Variants in LRFN2 observed in about 807,000 individuals in gnomAD.
LRFN2 encodes the protein leucine rich repeat and fibronectin type III domain containing 2.
In LRFN2, 18 loss-of-function variants were observed where a neutral mutation model predicts 37.3. The ratio of observed to expected loss-of-function variants is 0.48; its 90% CI spans 0.33 to 0.72. The LOEUF (loss-of-function observed/expected upper bound fraction) is 0.72, where lower values mean the gene tolerates loss of function less well. LRFN2 is among the 30% of genes least tolerant of loss of function. The pLI, the probability that LRFN2 is intolerant of heterozygous loss-of-function variation, is 0.02. For missense variants in LRFN2, 1,006 were observed against 1,060.7 expected (o/e 0.95, Z 0.72); for synonymous variants, 556 against 466.6 (o/e 1.19, Z -2.47).
intron 1 of LRFN2, among the ~76,000 whole-genome samples, chr6:40,460,705 T>C (rs1338545569): frequency 1.3e-5 from 2 of 152,092 alleles, no homozygotes; most frequent in Admixed American, 1.3e-4. Context: ...ATAAATGAAG[T>C]AGGTGAGCTG....
intron 2 of LRFN2, among the ~76,000 whole-genome samples, chr6:40,428,752 A>T (rs1763412596): frequency 6.6e-6 from 1 of 152,252 alleles, no homozygotes; most frequent in East Asian, 1.9e-4. Context: ...CTAAGCATCA[A>T]ACACATAGTA....
At position 40,392,726 on chromosome 6, in the gene LRFN2, A is replaced by C. The variant is rs3734557; in HGVS notation, c.1587T>G (p.Ile529Met). The C allele has an allele frequency of 2.9e-5, 47 of 1,613,710 alleles. No individual in the cohort carries two copies. Among genetic ancestry groups the C allele is most frequent in the Admixed American group, 1.3e-4 (8 of 59,982 alleles). Residue 529 changes from isoleucine to methionine, a missense_variant, in exon 3 of 3, where the codon ATT becomes ATG. Coordinates refer to ENST00000338305, the MANE Select transcript of LRFN2 (RefSeq NM_020737.3). The surrounding 1 kb of genome is among the most constrained non-coding windows in gnomAD (Gnocchi z 4.7). ...TGACCAGGATCATGGTGCCGCCCAGAATCTGGCTGTGCATGGACTGGCACT... is the reference window on the plus strand; with the variant it reads ...TGACCAGGATCATGGTGCCGCCCAGCATCTGGCTGTGCATGGACTGGCACT... Reference protein sequence around the residue: ...YPQCQSMHSQILGGTMILVIG... With the variant: ...YPQCQSMHSQMLGGTMILVIG...
intron 1 of LRFN2, among the ~76,000 whole-genome samples, chr6:40,457,658 A>G (rs919326785): frequency 1.3e-5 from 2 of 149,134 alleles, no homozygotes; most frequent in Admixed American, 6.8e-5. Flanking sequence ...AAAAAAAAAA[A>G]AGAGAGGGAG....
At chr6:40,527,639 T>C (rs1251412895) in intron 1 of LRFN2, among the ~76,000 whole-genome samples, 2 of 152,212 alleles carry the variant, frequency 1.3e-5, no homozygotes, top group African/African-American at 4.8e-5. Context: ...TACACTTGGC[T>C]AAAGATAGAG....
chr6:40,437,807 C>T (rs965589790), intron 1 of LRFN2, among the ~76,000 whole-genome samples: 5 of 152,160 alleles, frequency 3.3e-5, no homozygotes, highest in African/African-American at 7.2e-5. Context: ...TAAAGAGGAA[C>T]GCCAGGCCTA....
Position 40,391,866 on chromosome 6 carries a change from T to C in LRFN2, c.*77A>G. The stretch of plus-strand genomic sequence containing the variant: ...TGGATGTAAACATCACCATGGAAAC[T>C]CCACAAACACTTGCCAGTGAGATTC... On this transcript the variant is annotated 3_prime_UTR_variant, in exon 3 of 3. Transcript: ENST00000338305. The C allele has an allele frequency of 1.4e-6, 2 of 1,416,642 alleles. No homozygotes were observed. Among genetic ancestry groups the C allele is most frequent in the Non-Finnish European group, 1.9e-6 (2 of 1,063,694 alleles). The allele number at this position is 1,416,642 out of a possible 1,614,324, so 87.8% of individuals were successfully genotyped here. A position where few individuals can be genotyped will look rare whatever the true frequency, so the allele number is the denominator to read the frequency against.
At chr6:40,577,856 G>T (rs970773853) in intron 1 of LRFN2, among the ~76,000 whole-genome samples, 1 of 150,680 alleles carries the variant, frequency 6.6e-6, no homozygotes, top group East Asian at 1.9e-4. Flanking sequence ...ATCCAGGAGG[G>T]TCCCTTTCCC....
chr6:40,444,903 T>A (rs777934567), intron 1 of LRFN2, among the ~76,000 whole-genome samples: 12 of 49,180 alleles, frequency 2.4e-4, no homozygotes, highest in Admixed American at 7.7e-4. Flanking sequence ...TTCTTCATGA[T>A]TTTTTTTTTT....
chr6:40,474,279 G>C (rs773124546), intron 1 of LRFN2, among the ~76,000 whole-genome samples: 21 of 152,246 alleles, frequency 1.4e-4, no homozygotes, highest in Non-Finnish European at 2.6e-4. Context: ...CTTTCAGGAG[G>C]CTCTAGAGAA....
chr6:40,504,765 TC>T (rs1176812314), intron 1 of LRFN2, among the ~76,000 whole-genome samples: 1 of 152,152 alleles, frequency 6.6e-6, no homozygotes, highest in Non-Finnish European at 1.5e-5. Flanking sequence ...CTTTTCAATT[TC>T]CAAAGCTCTT....
intron 1 of LRFN2, among the ~76,000 whole-genome samples, chr6:40,483,394 TG>T (rs1764878567): frequency 6.6e-6 from 1 of 152,200 alleles, no homozygotes; most frequent in Non-Finnish European, 1.5e-5. Flanking sequence ...GCTTCCACCT[TG>T]GGGTTCACCC....
rs113056836 is a variant in LRFN2, at chr6:40,476,645, C to G, written c.-18-43514G>C. Reference sequence around the variant, plus strand: ...GGTCTCTAGAAGCCCTCCTTTATAACTTTCCAGACAGAGTTAATCTCTCCA... The same window carrying G: ...GGTCTCTAGAAGCCCTCCTTTATAAGTTTCCAGACAGAGTTAATCTCTCCA... On this transcript the variant is annotated intron_variant, in intron 1 of 2. Coordinates refer to ENST00000338305, the MANE Select transcript of LRFN2 (RefSeq NM_020737.3). Among the ~76,000 whole-genome samples, 411 of 152,394 alleles carry G rather than the reference C, an allele frequency of 2.7e-3. 2 individuals carry two copies. The highest frequency in any genetic ancestry group is 8.8e-3 in the African/African-American group (368 of 41,596).
intron 1 of LRFN2, among the ~76,000 whole-genome samples, chr6:40,529,786 A>C (rs1035339613): frequency 2.6e-5 from 4 of 152,208 alleles, no homozygotes; most frequent in African/African-American, 9.7e-5. Flanking sequence ...TCATAATTGC[A>C]TAACCCCCAC....
chr6:40,583,095 C>A (rs1767434327), intron 1 of LRFN2, among the ~76,000 whole-genome samples: 1 of 152,032 alleles, frequency 6.6e-6, no homozygotes, highest in Non-Finnish European at 1.5e-5. Context: ...ACAATATCGC[C>A]CCCAAGGGGG....
intron 2 of LRFN2, among the ~76,000 whole-genome samples, chr6:40,396,594 A>C (rs1346048013): frequency 2.6e-5 from 4 of 152,052 alleles, no homozygotes; most frequent in Non-Finnish European, 1.5e-5. Flanking sequence ...ACAGTTTTGC[A>C]CTGTAATTGG....
At chr6:40,499,187 C>T (rs917251789) in intron 1 of LRFN2, among the ~76,000 whole-genome samples, 1 of 152,208 alleles carries the variant, frequency 6.6e-6, no homozygotes, top group African/African-American at 2.4e-5. Flanking sequence ...ACATCATCTC[C>T]ATCCCTCCCT....
chr6:40,478,592 G>A (rs1764758574), intron 1 of LRFN2, among the ~76,000 whole-genome samples: 1 of 152,178 alleles, frequency 6.6e-6, no homozygotes, highest in African/African-American at 2.4e-5. Context: ...AAGGGTGAAT[G>A]GTATAGACAG....
At chr6:40,435,042 TATATATATATAGAGAGAGAGAGAG>T (rs1327526534) in intron 1 of LRFN2, among the ~76,000 whole-genome samples, 7 of 91,996 alleles carry the variant, frequency 7.6e-5, no homozygotes, top group Admixed American at 2.4e-4. Context: ...TATATATATA[TATATATATATAGAGAGAGAGAGAG>T]AGAGAGAGAG....
intron 1 of LRFN2, among the ~76,000 whole-genome samples, chr6:40,465,677 G>A (rs1764445465): frequency 6.6e-6 from 1 of 152,200 alleles, no homozygotes; most frequent in Admixed American, 6.5e-5. Context: ...ATACCTGACA[G>A]CTTCAGGATC....
Sources: gnomAD v4.1 joint callset for allele counts (sites outside exome capture counted in the v4.1 genomes callset) on GRCh38, gnomAD v4.1.1 for gene constraint, Gnocchi (gnomAD v3.1) non-coding constraint, MANE v1.5 for transcripts, NCBI Gene and HGNC (gene_info 2026-07-23, HGNC 2026-07-21) for gene names.